Variants in CSMD1 observed in about 807,000 individuals in gnomAD.
CSMD1 encodes CUB and Sushi multiple domains 1.
In CSMD1, 213 loss-of-function variants were observed where a neutral mutation model predicts 417.5. The observed-to-expected ratio is 0.51, with a 90% CI of 0.46 to 0.57. CSMD1 has a LOEUF of 0.57. Ranked by LOEUF, CSMD1 falls within the 20% of genes least tolerant of loss-of-function variation. The pLI is 0.00. For synonymous variants in CSMD1, 2,862 were observed against 1,736.8 expected (o/e 1.65, Z -16.11); for missense variants, 6,923 against 4,529.7 (o/e 1.53, Z -15.17).
intron 2 of CSMD1, among the ~76,000 whole-genome samples, chr8:4,543,765 G>A (rs981364151): frequency 6.8e-5 from 10 of 148,110 alleles, no homozygotes; most frequent in Non-Finnish European, 1.3e-4. Context: ...ATGACTGAGA[G>A]TTCCAGTGGA....
chr8:4,160,790 G>A lies in CSMD1; in HGVS notation c.416-128691C>T, dbSNP rs529534244. ...CTTGGATGAAAGCATCATTTTACCC[G>A]TGAAGGTGGTGTACTGTAAATATCA... is the stretch of plus-strand genomic sequence containing the variant. On this transcript the variant is annotated intron_variant, in intron 3 of 69. Coordinates refer to ENST00000635120, the MANE Select transcript of CSMD1 (RefSeq NM_033225.6). Among the ~76,000 whole-genome samples the A allele has an allele frequency of 3.9e-4, 60 of 152,324 alleles. 1 individual carries two copies. The South Asian group carries it at 6.0e-3, about 15-fold the overall frequency.
chr8:3,149,815 C>T (rs565151831), intron 40 of CSMD1, among the ~76,000 whole-genome samples: 11 of 152,194 alleles, frequency 7.2e-5, no homozygotes, highest in African/African-American at 1.7e-4. Flanking sequence ...AAACTGGAGC[C>T]CCTGTGCCTT....
At chr8:3,838,422 T>C (rs1802847676) in intron 5 of CSMD1, among the ~76,000 whole-genome samples, 2 of 150,332 alleles carry the variant, frequency 1.3e-5, no homozygotes, top group East Asian at 1.9e-4. Flanking sequence ...AGAGACTATA[T>C]ATAGAGGGAG....
intron 11 of CSMD1, among the ~76,000 whole-genome samples, chr8:3,490,744 G>A (rs890653185): frequency 1.3e-5 from 2 of 152,128 alleles, no homozygotes; most frequent in African/African-American, 2.4e-5. Context: ...ATCCACTGTA[G>A]TGCTGTTCCC....
chr8:4,020,592 C>T (rs1335307905), intron 4 of CSMD1, among the ~76,000 whole-genome samples: 1 of 152,170 alleles, frequency 6.6e-6, no homozygotes, highest in Non-Finnish European at 1.5e-5. Flanking sequence ...CTCCAATTCT[C>T]TTATGGTAAG....
At chr8:3,158,656 G>A (rs553126933) in intron 38 of CSMD1, among the ~76,000 whole-genome samples, 2 of 151,536 alleles carry the variant, frequency 1.3e-5, no homozygotes, top group South Asian at 4.2e-4. Context: ...AAAACAAACA[G>A]TAGAGGGTTA....
At chr8:4,112,019 T>C (rs1311290567) in intron 3 of CSMD1, among the ~76,000 whole-genome samples, 2 of 151,624 alleles carry the variant, frequency 1.3e-5, no homozygotes, top group African/African-American at 4.8e-5. Context: ...TTAAATGACA[T>C]GAAATGTATA....
chr8:3,227,252 T>A (rs1798562956), intron 27 of CSMD1, among the ~76,000 whole-genome samples: 1 of 151,782 alleles, frequency 6.6e-6, no homozygotes, highest in Admixed American at 6.6e-5. Flanking sequence ...TACAAAAAAA[T>A]TAGCCGGGCT....
chr8:3,987,351 C>T (rs931290520), intron 5 of CSMD1, among the ~76,000 whole-genome samples: 11 of 152,194 alleles, frequency 7.2e-5, no homozygotes, highest in African/African-American at 2.7e-4. Flanking sequence ...ATCTTTGCAA[C>T]TGCATTGCTT....
At chr8:4,520,440 A>G (rs750999312) in intron 2 of CSMD1, among the ~76,000 whole-genome samples, 14 of 152,296 alleles carry the variant, frequency 9.2e-5, no homozygotes, top group Middle Eastern at 3.4e-3. Context: ...CTCCATTTGT[A>G]GTGGATAGGA....
intron 2 of CSMD1, among the ~76,000 whole-genome samples, chr8:4,467,749 A>G (rs769542832): frequency 2.6e-5 from 4 of 152,216 alleles, no homozygotes; most frequent in Non-Finnish European, 5.9e-5. Context: ...TAAAGCTAAC[A>G]AAATATTTAC....
Position 3,199,865 on chromosome 8 carries a change from A to T in CSMD1, c.5099-56T>A, listed in dbSNP as rs1398956287. The T allele has an allele frequency of 3.8e-6, 4 of 1,041,122 alleles. No individual in the cohort carries two copies. In the Admixed American group the frequency reaches 1.0e-4, roughly 26 times the overall value. 64.5% of individuals were successfully genotyped at this position (1,041,122 alleles called of 1,614,324 possible). A position where few individuals can be genotyped will look rare whatever the true frequency, so the allele number is the denominator to read the frequency against. On this transcript the variant is annotated intron_variant, in intron 32 of 69. Coordinates refer to ENST00000635120, the MANE Select transcript of CSMD1 (RefSeq NM_033225.6). ...AACACACAGCACCGTGGGGGACGGT[A>T]GTATTTTGGAAAATGGTGATAAAGT...
chr8:3,634,152 G>C (rs1032470658), intron 7 of CSMD1, among the ~76,000 whole-genome samples: 1 of 152,170 alleles, frequency 6.6e-6, no homozygotes, highest in African/African-American at 2.4e-5. Context: ...CTAAACCCTT[G>C]GAATGTCCTA....
At chr8:4,365,940 T>A (rs189316112) in intron 3 of CSMD1, among the ~76,000 whole-genome samples, 4 of 152,168 alleles carry the variant, frequency 2.6e-5, no homozygotes, top group African/African-American at 9.7e-5. Flanking sequence ...TTTGAAAATG[T>A]TTTTAGGTTC....
chr8:4,932,884 A>G (rs56125232), intron 1 of CSMD1, among the ~76,000 whole-genome samples: 47,341 of 152,108 alleles, frequency 0.31, 8,333 homozygotes, highest in Non-Finnish European at 0.41. Flanking sequence ...TGCAATATTA[A>G]TTTTTACTAT....
At chr8:3,678,177 G>C (rs779238869) in intron 7 of CSMD1, among the ~76,000 whole-genome samples, 3 of 152,200 alleles carry the variant, frequency 2.0e-5, no homozygotes, top group East Asian at 1.9e-4. Context: ...ACAGAACAAA[G>C]CTGGACGGAG....
At chr8:4,031,307 C>G (rs114656441) in intron 4 of CSMD1, among the ~76,000 whole-genome samples, 4 of 152,186 alleles carry the variant, frequency 2.6e-5, no homozygotes, top group East Asian at 1.9e-4. Flanking sequence ...CTTACCGTCC[C>G]AAGTGGCTGG....
chr8:4,733,899 T>A (rs1563248167), intron 1 of CSMD1, among the ~76,000 whole-genome samples: 1 of 152,136 alleles, frequency 6.6e-6, no homozygotes. Flanking sequence ...CTTTTTGAAT[T>A]CTGGAAAAAA....
At chr8:4,094,238 C>G (rs748947386) in intron 3 of CSMD1, among the ~76,000 whole-genome samples, 1 of 152,038 alleles carries the variant, frequency 6.6e-6, no homozygotes, top group South Asian at 2.1e-4. Context: ...GTAACCTGGA[C>G]AAGTTGACTG....
Sources: gnomAD v4.1 joint callset for allele counts (sites outside exome capture counted in the v4.1 genomes callset) on GRCh38, gnomAD v4.1.1 for gene constraint, MANE v1.5 for transcripts, NCBI Gene and HGNC (gene_info 2026-07-23, HGNC 2026-07-21) for gene names.